The following REPS2 variants were observed in gnomAD, a reference collection of about 807,000 sequenced individuals.
REPS2 encodes ralBP1-associated Eps domain-containing protein 2.
In REPS2, 23 loss-of-function variants were observed where a neutral mutation model predicts 53.6. The ratio of observed to expected loss-of-function variants is 0.43; its 90% confidence interval spans 0.31 to 0.61. The LOEUF (loss-of-function observed/expected upper bound fraction) is 0.61. Among genes scored for constraint, REPS2 ranks in the 20% least tolerant of loss-of-function variants. The pLI, the probability that REPS2 is intolerant of heterozygous loss-of-function variation, is 0.11. For missense variants in REPS2, 446 were observed against 534.9 expected, an observed-to-expected ratio of 0.83 and a Z score of 1.64; for synonymous variants, 238 against 218.6, an observed-to-expected ratio of 1.09 and a Z score of -0.78.
chrX:17,103,550 G>A (rs1262625587), intron 13 of REPS2, among the ~76,000 whole-genome samples, 168 bp from the exon 14 acceptor site: 1 of 111,834 alleles, frequency 8.9e-6, no homozygotes, highest in African/African-American at 3.3e-5. Flanking sequence ...CAATGAAAAA[G>A]GGATTAGAAA....
chrX:17,080,216 T>C (rs1419629566), intron 13 of REPS2, among the ~76,000 whole-genome samples: 19 of 110,483 alleles, frequency 1.7e-4, no homozygotes, highest in Non-Finnish European at 1.9e-5. Context: ...TTCTTCTCTC[T>C]GCCTTTTCTC....
chrX:17,129,904 A>G (rs2063269337), intron 14 of REPS2, among the ~76,000 whole-genome samples: 1 of 112,000 alleles, frequency 8.9e-6, no homozygotes, highest in Non-Finnish European at 1.9e-5. Context: ...AAAGGCAGAG[A>G]GCCTGAAATT....
chrX:16,983,663 C>A (rs2061051315), intron 1 of REPS2, among the ~76,000 whole-genome samples: 1 of 112,148 alleles, frequency 8.9e-6, no homozygotes, highest in Admixed American at 9.4e-5. Context: ...CCACCATGCC[C>A]AGTTAATGTT....
At chrX:16,952,804 T>C (rs2060531311) in intron 1 of REPS2, among the ~76,000 whole-genome samples, 2 of 111,667 alleles carry the variant, frequency 1.8e-5, no homozygotes, top group African/African-American at 3.3e-5. Context: ...AACTATACTT[T>C]AGGGAAATAG....
At chrX:17,184,690 G>A in the REPS2 span, among the ~76,000 whole-genome samples, 4 of 111,672 alleles carry the variant, frequency 3.6e-5, no homozygotes, top group Non-Finnish European at 5.7e-5. Flanking sequence ...TCCAGCACCT[G>A]TTGTTTCCTG....
chrX:16,996,417 G>C (rs148882005), intron 1 of REPS2, among the ~76,000 whole-genome samples: 148 of 111,726 alleles, frequency 1.3e-3, no homozygotes, highest in Non-Finnish European at 2.4e-3. Flanking sequence ...CTTGTTGCTG[G>C]GAGAACAGTC....
intron 15 of REPS2, among the ~76,000 whole-genome samples, chrX:17,134,469 G>C (rs1332913122): frequency 2.7e-5 from 3 of 111,515 alleles, no homozygotes; most frequent in African/African-American, 6.5e-5. Flanking sequence ...CAGGAGCACA[G>C]GTGAGGTAGA....
At chrX:17,143,447 G>A (rs1159186959) in intron 17 of REPS2, among the ~76,000 whole-genome samples, 2 of 30,267 alleles carry the variant, frequency 6.6e-5, no homozygotes, top group African/African-American at 2.6e-4. Context: ...TCTACATTTG[G>A]TGGGCCCTTT....
chrX:17,061,973 TATAA>T (rs1798225051), intron 8 of REPS2, among the ~76,000 whole-genome samples: 1 of 112,775 alleles, frequency 8.9e-6, no homozygotes, highest in Non-Finnish European at 1.9e-5. Context: ...TGCACATCAT[TATAA>T]GATCTTGCCT....
chrX:17,164,443 A>G, the REPS2 span, among the ~76,000 whole-genome samples: 2 of 112,437 alleles, frequency 1.8e-5, no homozygotes, highest in Non-Finnish European at 3.8e-5. Flanking sequence ...GAGTGGCTCT[A>G]CTAATATCAG....
At chrX:17,099,498 T>G (rs1245044394) in intron 13 of REPS2, among the ~76,000 whole-genome samples, 1 of 112,066 alleles carries the variant, frequency 8.9e-6, no homozygotes, top group Non-Finnish European at 1.9e-5. Flanking sequence ...TCTGCAAGTT[T>G]TGTCCTTCAT....
chrX:17,095,613 T>A (rs940416332), intron 13 of REPS2, among the ~76,000 whole-genome samples: 34 of 109,678 alleles, frequency 3.1e-4, no homozygotes, highest in African/African-American at 1.1e-3. Flanking sequence ...TACTGTATTT[T>A]GAGTTATCAG....
chrX:17,045,181 C>T (rs1375738317), intron 5 of REPS2, among the ~76,000 whole-genome samples: 4 of 105,124 alleles, frequency 3.8e-5, no homozygotes, highest in Admixed American at 2.0e-4. Context: ...GATCCACCCA[C>T]CTCAGCCTCC....
At chrX:17,068,298 T>C in intron 9 of REPS2, 104 bp from the exon 10 acceptor site, 1 of 504,464 alleles carries the variant, frequency 2.0e-6, no homozygotes, top group Non-Finnish European at 3.3e-6. Context: ...TGGGCGACAG[T>C]GCGAGACTCT....
chrX:16,967,987 G>T (rs865925869), intron 1 of REPS2, among the ~76,000 whole-genome samples: 1 of 110,771 alleles, frequency 9.0e-6, no homozygotes, highest in Non-Finnish European at 1.9e-5. Context: ...AGGACTCTGC[G>T]GCCTTCCGCA....
intron 1 of REPS2, among the ~76,000 whole-genome samples, chrX:16,997,489 C>T (rs1351223176): frequency 8.9e-6 from 1 of 112,212 alleles, no homozygotes; most frequent in East Asian, 2.8e-4. Flanking sequence ...GTGCCAACCC[C>T]GAGGAACTCC....
intron 14 of REPS2, among the ~76,000 whole-genome samples, chrX:17,116,622 G>A (rs1159283410): frequency 9.0e-6 from 1 of 111,725 alleles, no homozygotes; most frequent in African/African-American, 3.3e-5. Flanking sequence ...TTCCTATTCT[G>A]TTATTAAGCC....
chrX:17,117,451 T>A (rs1243224447), intron 14 of REPS2, among the ~76,000 whole-genome samples: 7 of 108,395 alleles, frequency 6.5e-5, no homozygotes, highest in Non-Finnish European at 1.3e-4. Context: ...CAGTCCCCAG[T>A]GTGTGATGTT....
chrX:17,141,348 A>G (rs767386614), intron 17 of REPS2, among the ~76,000 whole-genome samples: 2 of 112,083 alleles, frequency 1.8e-5, no homozygotes, highest in Non-Finnish European at 3.8e-5. Context: ...AGATTCATTT[A>G]TATTGTTGTG....
Sources: gnomAD v4.1 joint callset for allele counts (sites outside exome capture counted in the v4.1 genomes callset) on GRCh38, gnomAD v4.1.1 for gene constraint, MANE v1.5 for transcripts, NCBI Gene and HGNC (gene_info 2026-07-23, HGNC 2026-07-21) for gene names.